CNPY1: variants seen among roughly 807,000 people sequenced by gnomAD.
CNPY1 encodes canopy FGF signaling regulator 1.
A neutral mutation model predicts 14.4 loss-of-function variants in CNPY1; 14 were observed. That is an observed-to-expected ratio of 0.97 (90% CI 0.64 to 1.52). The LOEUF (loss-of-function observed/expected upper bound fraction) is 1.52. CNPY1 is among the 40% of genes most tolerant of loss of function. The pLI is 0.00. For synonymous variants in CNPY1, 43 were observed against 46.5 expected (o/e 0.92, Z 0.31); for missense variants, 129 against 131.5 (o/e 0.98, Z 0.09).
chr7:155,543,666 C>A (rs143080695), intron 2 of CNPY1, among the ~76,000 whole-genome samples: 184 of 152,318 alleles, frequency 1.2e-3, no homozygotes, highest in African/African-American at 4.2e-3. Flanking sequence ...ACACCCACCG[C>A]CAGGCCATGC....
intron 2 of CNPY1, among the ~76,000 whole-genome samples, chr7:155,533,340 G>A (rs73163402): frequency 3.0e-4 from 46 of 152,276 alleles, no homozygotes; most frequent in Non-Finnish European, 6.0e-4. Context: ...ATGCCCGTTC[G>A]TCAAAGAGGG....
At chr7:155,534,369 A>G (rs1049678845) in intron 2 of CNPY1, among the ~76,000 whole-genome samples, 1 of 151,098 alleles carries the variant, frequency 6.6e-6, no homozygotes, top group Admixed American at 6.6e-5. Flanking sequence ...GCACACAGGC[A>G]CACACACGCA....
chr7:155,524,320 T>G (rs547967218), intron 2 of CNPY1, among the ~76,000 whole-genome samples: 1 of 152,240 alleles, frequency 6.6e-6, no homozygotes, highest in Non-Finnish European at 1.5e-5. Flanking sequence ...AGAACTTTCC[T>G]GTAAGGCAGG....
At chr7:155,506,833 T>C in intron 4 of CNPY1, 187 bp downstream of exon 4, 1 of 613,350 alleles carries the variant, frequency 1.6e-6, no homozygotes, top group Non-Finnish European at 2.9e-6. Context: ...CACACAGCCC[T>C]GTGGTTTCTG....
chr7:155,542,860 C>A (rs1264415571), intron 2 of CNPY1, among the ~76,000 whole-genome samples: 1 of 152,236 alleles, frequency 6.6e-6, no homozygotes, highest in Non-Finnish European at 1.5e-5. Flanking sequence ...AGCTGGTTTG[C>A]ACATCTCCCC....
chr7:155,506,550 CCCAAA>C, intron 4 of CNPY1: 1 of 100,344 alleles, frequency 1.0e-5, no homozygotes, highest in East Asian at 2.9e-4. Context: ...CCAGCATCCC[CCCAAA>C]CAAACAAACA....
intron 2 of CNPY1, among the ~76,000 whole-genome samples, chr7:155,519,837 T>C (rs1418500133): frequency 2.0e-5 from 3 of 152,168 alleles, no homozygotes; most frequent in Non-Finnish European, 4.4e-5. Flanking sequence ...ACCCCACATA[T>C]TCACACTGAA....
chr7:155,541,974 G>T (rs1375582344), intron 2 of CNPY1, among the ~76,000 whole-genome samples: 1 of 151,786 alleles, frequency 6.6e-6, no homozygotes, highest in African/African-American at 2.4e-5. Context: ...TAGAGTGGAG[G>T]GGAAGTTCTA....
At chr7:155,506,564 CAAACAAACAAACAAAA>C (rs1433435728) in intron 4 of CNPY1, 1 of 155,840 alleles carries the variant, frequency 6.4e-6, no homozygotes, top group African/African-American at 2.7e-5. Flanking sequence ...AACAAACAAA[CAAACAAACAAACAAAA>C]AAACTTTAGA....
chr7:155,543,638 C>A (rs1376458843), intron 2 of CNPY1, among the ~76,000 whole-genome samples: 1 of 152,234 alleles, frequency 6.6e-6, no homozygotes, highest in African/African-American at 2.4e-5. Context: ...TAGCCAGAAG[C>A]AGGAACTGCT....
At chr7:155,539,451 T>C (rs571664511) in intron 2 of CNPY1, among the ~76,000 whole-genome samples, 2 of 152,324 alleles carry the variant, frequency 1.3e-5, no homozygotes, top group East Asian at 3.9e-4. Context: ...AAATTGCTGA[T>C]GGACTGAATC....
intron 2 of CNPY1, among the ~76,000 whole-genome samples, chr7:155,514,114 A>ACGT (rs1490968313): frequency 1.3e-5 from 2 of 152,234 alleles, no homozygotes; most frequent in Admixed American, 1.3e-4. Flanking sequence ...AAGTGACAGT[A>ACGT]CGTAAAAAGG....
chr7:155,533,554 C>T (rs1420835206), intron 2 of CNPY1, among the ~76,000 whole-genome samples: 2 of 152,184 alleles, frequency 1.3e-5, no homozygotes, highest in East Asian at 1.9e-4. Context: ...CGGGAAGCCC[C>T]GCAGCACCAG....
At chr7:155,532,960 A>C (rs890828805) in intron 2 of CNPY1, among the ~76,000 whole-genome samples, 3 of 152,182 alleles carry the variant, frequency 2.0e-5, no homozygotes, top group Non-Finnish European at 4.4e-5. Flanking sequence ...CACCCGTCTG[A>C]GTCTACAGTC....
chr7:155,513,772 T>C (rs984833482), intron 2 of CNPY1, among the ~76,000 whole-genome samples: 1 of 151,804 alleles, frequency 6.6e-6, no homozygotes, highest in African/African-American at 2.4e-5. Context: ...TCTTTCCAAA[T>C]GGGGGTCATC....
intron 2 of CNPY1, among the ~76,000 whole-genome samples, chr7:155,542,865 C>A (rs2116760865): frequency 6.6e-6 from 1 of 152,354 alleles, no homozygotes; most frequent in African/African-American, 2.4e-5. Context: ...GTTTGCACAT[C>A]TCCCCTGTCC....
intron 2 of CNPY1, among the ~76,000 whole-genome samples, chr7:155,528,750 G>C (rs536457516): frequency 2.0e-5 from 3 of 152,146 alleles, no homozygotes; most frequent in Non-Finnish European, 4.4e-5. Context: ...TATAGACAAG[G>C]CTTCTCCACC....
intron 2 of CNPY1, among the ~76,000 whole-genome samples, chr7:155,531,999 A>G (rs186687907): frequency 6.6e-5 from 10 of 152,362 alleles, no homozygotes; most frequent in African/African-American, 2.4e-4. Flanking sequence ...TGAGAACCGG[A>G]TCAACCTGGA....
chr7:155,521,377 T>G (rs1441830095), intron 2 of CNPY1, among the ~76,000 whole-genome samples: 1 of 152,130 alleles, frequency 6.6e-6, no homozygotes, highest in Non-Finnish European at 1.5e-5. Context: ...ACAAAGAACC[T>G]CCCCAGAGTA....
Sources: gnomAD v4.1 joint callset for allele counts (sites outside exome capture counted in the v4.1 genomes callset) on GRCh38, gnomAD v4.1.1 for gene constraint, MANE v1.5 for transcripts, NCBI Gene and HGNC (gene_info 2026-07-23, HGNC 2026-07-21) for gene names.